CTNNBIP1: variants seen among roughly 807,000 people sequenced by gnomAD.
CTNNBIP1 encodes the protein beta-catenin-interacting protein 1.
CTNNBIP1 carries 7 observed loss-of-function variants against 11.8 expected under a neutral mutation model. The ratio of observed to expected loss-of-function variants is 0.60; its 90% confidence interval spans 0.34 to 1.12. The LOEUF (loss-of-function observed/expected upper bound fraction) is 1.12. Ranked by LOEUF, CTNNBIP1 falls within the 50% of genes most tolerant of loss-of-function variation. CTNNBIP1 has a pLI of 0.03. For missense variants in CTNNBIP1, 101 were observed against 113.4 expected (o/e 0.89, Z 0.50); for synonymous variants, 58 against 43.9 (o/e 1.32, Z -1.26).
intron 1 of CTNNBIP1, among the ~76,000 whole-genome samples, chr1:9,889,293 C>A (rs1639248492): frequency 6.6e-6 from 1 of 152,210 alleles, no homozygotes; most frequent in Non-Finnish European, 1.5e-5. Flanking sequence ...CGATTCTGCC[C>A]CACGGCAGAA....
chr1:9,858,207 C>A (rs984008256), intron 5 of CTNNBIP1, among the ~76,000 whole-genome samples: 2 of 152,192 alleles, frequency 1.3e-5, no homozygotes, highest in African/African-American at 4.8e-5. Context: ...TTGCCTTGAC[C>A]TCCTCTCGCT....
chr1:9,902,114 T>G (rs1457486599), intron 1 of CTNNBIP1, among the ~76,000 whole-genome samples: 1 of 152,042 alleles, frequency 6.6e-6, no homozygotes, highest in Non-Finnish European at 1.5e-5. Context: ...CTAATCTGTA[T>G]ATATTGACCC....
intron 5 of CTNNBIP1, among the ~76,000 whole-genome samples, chr1:9,860,453 A>C (rs1049578738): frequency 2.8e-5 from 4 of 142,400 alleles, no homozygotes; most frequent in Admixed American, 2.0e-4. Flanking sequence ...AAAAAAAAAA[A>C]ACAAAACTTA....
At chr1:9,861,834 A>C (rs1211013929) in intron 5 of CTNNBIP1, among the ~76,000 whole-genome samples, 1 of 152,226 alleles carries the variant, frequency 6.6e-6, no homozygotes, top group Non-Finnish European at 1.5e-5. Flanking sequence ...TGTGTATCCC[A>C]GGGGGAAGTC....
chr1:9,850,996 G>C (rs1638372917), intron 5 of CTNNBIP1, among the ~76,000 whole-genome samples: 1 of 152,226 alleles, frequency 6.6e-6, no homozygotes, highest in Admixed American at 6.5e-5. Context: ...GCAAGGCAGG[G>C]CTGCCAGGGT....
chr1:9,887,678 G>A (rs1486978390), intron 1 of CTNNBIP1, among the ~76,000 whole-genome samples: 1 of 151,118 alleles, frequency 6.6e-6, no homozygotes, highest in Non-Finnish European at 1.5e-5. Context: ...ACTCCAACCT[G>A]GCAAAAGAGC....
chr1:9,850,604 G>T lies in CTNNBIP1; in HGVS notation c.*114C>A. On this transcript the variant is annotated 3_prime_UTR_variant, in exon 6 of 6. Transcript: ENST00000377263. ...AGGTGGGGTGGGGCAGGGCAGGGTT[G>T]GGTAGGGGAAGGGGGAGGTGGGGCA... 1 of 907,320 alleles carries T rather than the reference G, an allele frequency of 1.1e-6. No homozygotes were observed. Among genetic ancestry groups the T allele is most frequent in the Admixed American group, 1.7e-5 (1 of 57,416 alleles). 56.2% of individuals were successfully genotyped at this position (907,320 alleles called of 1,614,324 possible).
intron 1 of CTNNBIP1, among the ~76,000 whole-genome samples, chr1:9,894,206 G>A (rs1639364034): frequency 6.6e-6 from 1 of 152,196 alleles, no homozygotes; most frequent in African/African-American, 2.4e-5. Context: ...GTGGGTATAT[G>A]TCAAGGTACA....
chr1:9,855,737 T>C (rs1638488007), intron 5 of CTNNBIP1, among the ~76,000 whole-genome samples: 1 of 151,724 alleles, frequency 6.6e-6, no homozygotes, highest in Non-Finnish European at 1.5e-5. Context: ...TTTTTTTTTT[T>C]TTTTTTCCTG....
At chr1:9,858,215 G>A (rs1339253276) in intron 5 of CTNNBIP1, among the ~76,000 whole-genome samples, 1 of 152,104 alleles carries the variant, frequency 6.6e-6, no homozygotes, top group African/African-American at 2.4e-5. Flanking sequence ...ACCTCCTCTC[G>A]CTGGCCCCTG....
In CTNNBIP1 at chr1:9,871,550, T is replaced by C. The variant is rs1638861357; in HGVS notation, c.97-273A>G. Reference sequence around the variant, plus strand: ...TAGGGCCAGTGGAAGACACAAGTCCTGCCCGGAAGGCTGAGGGGCGATTCC... The same window carrying C: ...TAGGGCCAGTGGAAGACACAAGTCCCGCCCGGAAGGCTGAGGGGCGATTCC... On this transcript the variant is annotated intron_variant, in intron 4 of 5. Coordinates refer to ENST00000377263, the MANE Select transcript of CTNNBIP1 (RefSeq NM_020248.3). The surrounding 1 kb of genome is among the most constrained non-coding windows in gnomAD (Gnocchi z 5.2). Among the ~76,000 whole-genome samples, 1 of 151,296 alleles carries C rather than the reference T, an allele frequency of 6.6e-6. No individual in the cohort carries two copies.
intron 1 of CTNNBIP1, among the ~76,000 whole-genome samples, chr1:9,907,261 C>T (rs1481893708): frequency 2.6e-5 from 4 of 152,170 alleles, no homozygotes; most frequent in Non-Finnish European, 5.9e-5. Flanking sequence ...ACCTCCACCT[C>T]CCTGGTTCAA....
intron 1 of CTNNBIP1, among the ~76,000 whole-genome samples, chr1:9,899,124 G>T (rs937199209): frequency 1.3e-5 from 2 of 152,110 alleles, no homozygotes; most frequent in African/African-American, 4.8e-5. Context: ...TGAGGATATG[G>T]AAGGCTGACT....
At position 9,867,644 on chromosome 1, in the gene CTNNBIP1, A is replaced by G. The variant is rs1395880738; in HGVS notation, c.187+3543T>C. Among the ~76,000 whole-genome samples the G allele has an allele frequency of 6.6e-6, 1 of 152,180 alleles. No homozygotes were observed. The highest frequency in any genetic ancestry group is 2.4e-5 in the African/African-American group (1 of 41,430). ...CTAAAGCAGCCTGGAGCATTTGCTG[A>G]GAGACAGCGCCACCTAGTGGGCAGG... On this transcript the variant is annotated intron_variant, in intron 5 of 5. Coordinates refer to ENST00000377263, the MANE Select transcript of CTNNBIP1 (RefSeq NM_020248.3). The surrounding 1 kb of genome is among the most constrained non-coding windows in gnomAD (Gnocchi z 4.6).
At chr1:9,863,466 C>A (rs1262993711) in intron 5 of CTNNBIP1, among the ~76,000 whole-genome samples, 1 of 152,170 alleles carries the variant, frequency 6.6e-6, no homozygotes, top group Non-Finnish European at 1.5e-5. Flanking sequence ...GAGAGGGGAC[C>A]CAGAAACCCC....
intron 2 of CTNNBIP1, among the ~76,000 whole-genome samples, chr1:9,881,355 T>G (rs1287184741): frequency 1.2e-5 from 1 of 83,332 alleles, no homozygotes; most frequent in African/African-American, 4.2e-5. Context: ...TTTTTTTTTT[T>G]GAGAATGGAG....
chr1:9,900,615 G>A (rs777960250), intron 1 of CTNNBIP1, among the ~76,000 whole-genome samples: 2 of 152,222 alleles, frequency 1.3e-5, no homozygotes, highest in Non-Finnish European at 2.9e-5. Context: ...TGTGCCAGCA[G>A]CAGCAGACCT....
chr1:9,885,332 T>C (rs1025963503), intron 1 of CTNNBIP1, among the ~76,000 whole-genome samples: 12 of 152,124 alleles, frequency 7.9e-5, no homozygotes, highest in Non-Finnish European at 2.9e-5. Flanking sequence ...TTTTAGACTT[T>C]AAGAGGTTTT....
At chr1:9,884,491 C>T (rs956203715) in intron 1 of CTNNBIP1, among the ~76,000 whole-genome samples, 1 of 152,170 alleles carries the variant, frequency 6.6e-6, no homozygotes, top group Admixed American at 6.5e-5. Context: ...CCCGGACCCA[C>T]AGGCAAAGCT....
Sources: gnomAD v4.1 joint callset for allele counts (sites outside exome capture counted in the v4.1 genomes callset) on GRCh38, gnomAD v4.1.1 for gene constraint, Gnocchi (gnomAD v3.1) non-coding constraint, MANE v1.5 for transcripts, NCBI Gene and HGNC (gene_info 2026-07-23, HGNC 2026-07-21) for gene names.